Variants in ZFHX3 observed in about 807,000 individuals in gnomAD.
ZFHX3 encodes zinc finger homeobox protein 3.
A neutral mutation model predicts 279.1 loss-of-function variants in ZFHX3; 42 were observed. The ratio of observed to expected loss-of-function variants is 0.15; its 90% CI spans 0.12 to 0.19. The LOEUF (loss-of-function observed/expected upper bound fraction) is 0.19, where lower values mean the gene tolerates loss of function less well. Ranked by LOEUF, ZFHX3 falls within the 10% of genes least tolerant of loss-of-function variation. The pLI, the probability that ZFHX3 is intolerant of heterozygous loss-of-function variation, is 1.00. For synonymous variants in ZFHX3, 2,293 were observed against 1,957.8 expected (o/e 1.17, Z -4.52); for missense variants, 4,981 against 4,754.0 (o/e 1.05, Z -1.40).
intron 1 of ZFHX3, among the ~76,000 whole-genome samples, chr16:73,057,999 G>A (rs1719443745): frequency 6.8e-6 from 1 of 146,338 alleles, no homozygotes; most frequent in Non-Finnish European, 1.5e-5. Context: ...GGAGCGGCGG[G>A]GGCGGGGGCA....
intron 4 of ZFHX3, among the ~76,000 whole-genome samples, chr16:72,868,164 G>A (rs2038070053): frequency 6.6e-6 from 1 of 152,156 alleles, no homozygotes; most frequent in Non-Finnish European, 1.5e-5. Context: ...AATGTAATTG[G>A]GTGCAAGGGT....
intron 5 of ZFHX3, among the ~76,000 whole-genome samples, chr16:73,195,413 ATTTTTTTTTTTTTT>A (rs9302646): frequency 1.1e-5 from 1 of 93,118 alleles, no homozygotes; most frequent in South Asian, 3.5e-4. Flanking sequence ...TGTCTTTACT[ATTTTTTTTTTTTTT>A]TTTTTTTTTG....
intron 1 of ZFHX3, among the ~76,000 whole-genome samples, chr16:73,023,664 CGCTT>C (rs1964392813): frequency 6.6e-6 from 1 of 152,212 alleles, no homozygotes; most frequent in South Asian, 2.1e-4. Flanking sequence ...AGAAAACCAG[CGCTT>C]AGAAAAGGCT....
intron 2 of ZFHX3, among the ~76,000 whole-genome samples, chr16:73,500,386 G>T (rs994699063): frequency 6.6e-6 from 1 of 152,050 alleles, no homozygotes; most frequent in African/African-American, 2.4e-5. Context: ...AGAGTGCAGT[G>T]GTGTGATCTC....
At chr16:73,403,579 G>A (rs760550994) in intron 3 of ZFHX3, among the ~76,000 whole-genome samples, 28 of 152,138 alleles carry the variant, frequency 1.8e-4, no homozygotes, top group Non-Finnish European at 1.2e-4. Context: ...AGCAAAAGGT[G>A]CTTTCTTACT....
At chr16:73,352,474 C>CTTTTT (rs35974156) in intron 3 of ZFHX3, among the ~76,000 whole-genome samples, 3 of 53,256 alleles carry the variant, frequency 5.6e-5, no homozygotes, top group Non-Finnish European at 1.0e-4. Context: ...CTCTCTCTCT[C>CTTTTT]TTTTTTTTTT....
At chr16:73,608,767 G>A (rs917987665) in intron 2 of ZFHX3, 2 of 152,118 alleles carry the variant, frequency 1.3e-5, no homozygotes, top group African/African-American at 4.8e-5. Context: ...CATAAGCAGA[G>A]CTCTTGCTTA....
At chr16:73,435,857 C>T (rs1011744302) in intron 3 of ZFHX3, among the ~76,000 whole-genome samples, 24 of 152,280 alleles carry the variant, frequency 1.6e-4, no homozygotes, top group East Asian at 9.7e-4. Context: ...GAAGCCTGGG[C>T]GGCCTCTGCA....
chr16:73,684,161 G>A (rs879261174), intron 1 of ZFHX3, among the ~76,000 whole-genome samples: 3 of 152,138 alleles, frequency 2.0e-5, no homozygotes, highest in Non-Finnish European at 4.4e-5. Flanking sequence ...GAGTGAGGTG[G>A]TGGGTACCTG....
intron 1 of ZFHX3, among the ~76,000 whole-genome samples, chr16:73,887,599 G>C (rs1382398356): frequency 1.3e-5 from 2 of 152,056 alleles, no homozygotes; most frequent in Non-Finnish European, 2.9e-5. Context: ...GGAATGAAGT[G>C]AATGCTTCTT....
intron 2 of ZFHX3, among the ~76,000 whole-genome samples, chr16:73,515,477 A>G (rs923478314): frequency 4.6e-5 from 7 of 151,590 alleles, no homozygotes; most frequent in Non-Finnish European, 8.8e-5. Flanking sequence ...AAGAGAGAGG[A>G]AAAAGAAGAA....
intron 5 of ZFHX3, among the ~76,000 whole-genome samples, chr16:72,828,781 C>A (rs1056648891): frequency 6.6e-6 from 1 of 152,110 alleles, no homozygotes; most frequent in Non-Finnish European, 1.5e-5. Context: ...TAGCTCACTG[C>A]AGCTTCGACC....
At chr16:73,403,568 A>G (rs1006284074) in intron 3 of ZFHX3, among the ~76,000 whole-genome samples, 1 of 152,106 alleles carries the variant, frequency 6.6e-6, no homozygotes, top group African/African-American at 2.4e-5. Flanking sequence ...TAAAGGCAAA[A>G]AGCAAAAGGT....
chr16:73,494,934 A>C (rs1227934682), intron 2 of ZFHX3, among the ~76,000 whole-genome samples: 1 of 151,024 alleles, frequency 6.6e-6, no homozygotes, highest in Non-Finnish European at 1.5e-5. Context: ...TACAGGAATG[A>C]CTGAAACCAG....
chr16:73,752,546 C>T (rs185270236), intron 1 of ZFHX3, among the ~76,000 whole-genome samples: 1 of 152,268 alleles, frequency 6.6e-6, no homozygotes, highest in Admixed American at 6.5e-5. Flanking sequence ...TCCTGGTCCC[C>T]AACAGCTCCA....
At chr16:73,882,297 G>A (rs746453402) in intron 1 of ZFHX3, among the ~76,000 whole-genome samples, 4 of 151,958 alleles carry the variant, frequency 2.6e-5, no homozygotes, top group Non-Finnish European at 5.9e-5. Flanking sequence ...AGTGTGGCTG[G>A]AGTTGGACTA....
chr16:73,819,014 A>G (rs891675819), intron 1 of ZFHX3, among the ~76,000 whole-genome samples: 1 of 152,144 alleles, frequency 6.6e-6, no homozygotes, highest in Non-Finnish European at 1.5e-5. Context: ...AATGAAGTTG[A>G]TCTCTGTGTC....
intron 1 of ZFHX3, among the ~76,000 whole-genome samples, chr16:73,021,735 G>A (rs1165143811): frequency 6.6e-6 from 1 of 151,158 alleles, no homozygotes; most frequent in African/African-American, 2.4e-5. Flanking sequence ...GGAGGCTGAG[G>A]CAGGAGAATC....
intron 1 of ZFHX3, among the ~76,000 whole-genome samples, chr16:73,041,030 T>C (rs1451474095): frequency 6.6e-6 from 1 of 151,960 alleles, no homozygotes; most frequent in Non-Finnish European, 1.5e-5. Flanking sequence ...TTCCAAAGAG[T>C]GGGCTTTTTT....
Sources: gnomAD v4.1 joint callset for allele counts (sites outside exome capture counted in the v4.1 genomes callset) on GRCh38, gnomAD v4.1.1 for gene constraint, MANE v1.5 for transcripts, NCBI Gene and HGNC (gene_info 2026-07-23, HGNC 2026-07-21) for gene names.